The following HNMT variants were observed in gnomAD, a reference collection of about 807,000 sequenced individuals.
HNMT encodes the protein histamine N-methyltransferase.
HNMT carries 30 observed loss-of-function variants against 32.1 expected under a neutral mutation model. That is an observed-to-expected ratio of 0.93 (90% CI 0.70 to 1.27). The LOEUF is 1.27. HNMT is among the 50% of genes most tolerant of loss of function. The probability of loss-of-function intolerance (pLI) is 0.00; values close to 1 mark genes in which losing one functional copy is unlikely to be tolerated. For synonymous variants in HNMT, 125 were observed against 119.0 expected, an observed-to-expected ratio of 1.05 and a Z score of -0.33; for missense variants, 327 against 346.0, an observed-to-expected ratio of 0.95 and a Z score of 0.43.
intron 2 of HNMT, among the ~76,000 whole-genome samples, chr2:137,999,391 C>T (rs1681092589): frequency 6.6e-6 from 1 of 152,058 alleles, no homozygotes; most frequent in African/African-American, 2.4e-5. Context: ...TTTCAGCTTC[C>T]TTCCCACTCT....
chr2:138,009,548 A>C (rs1276096521), intron 5 of HNMT, among the ~76,000 whole-genome samples: 2 of 152,094 alleles, frequency 1.3e-5, no homozygotes, highest in Non-Finnish European at 2.9e-5. Flanking sequence ...TTTTAAAAAA[A>C]TAGCAATAGT....
intron 2 of HNMT, among the ~76,000 whole-genome samples, chr2:137,987,352 A>G (rs1244595510): frequency 6.6e-6 from 1 of 152,192 alleles, no homozygotes; most frequent in Non-Finnish European, 1.5e-5. Context: ...AGATTCCTAG[A>G]AAGTTTTGCA....
At chr2:138,012,820 G>A (rs72860384) in intron 5 of HNMT, among the ~76,000 whole-genome samples, 4,094 of 152,086 alleles carry the variant, frequency 0.027, 85 homozygotes, top group Middle Eastern at 0.095. Context: ...GGCGAGCCCT[G>A]TTGGATCTCG....
chr2:137,999,518 T>C (rs899887857), intron 2 of HNMT, among the ~76,000 whole-genome samples: 2 of 152,212 alleles, frequency 1.3e-5, no homozygotes, highest in African/African-American at 2.4e-5. Flanking sequence ...TCCTGGTTTA[T>C]CTTCCTCATC....
intron 5 of HNMT, among the ~76,000 whole-genome samples, chr2:138,006,623 T>C (rs1681338634): frequency 6.6e-6 from 1 of 152,012 alleles, no homozygotes. Context: ...AGTATTCTGC[T>C]GGCTGTATCA....
intron 2 of HNMT, among the ~76,000 whole-genome samples, chr2:137,998,933 G>A (rs780820211): frequency 4.6e-5 from 7 of 152,138 alleles, no homozygotes; most frequent in Non-Finnish European, 8.8e-5. Flanking sequence ...GGGCAAGCTG[G>A]AATCTATTTC....
At chr2:138,007,993 T>C (rs1681378766) in intron 5 of HNMT, among the ~76,000 whole-genome samples, 1 of 152,146 alleles carries the variant, frequency 6.6e-6, no homozygotes, top group South Asian at 2.1e-4. Context: ...AACCCTCTTT[T>C]TTAACTTTTA....
intron 5 of HNMT, among the ~76,000 whole-genome samples, 161 bp from the exon 6 acceptor site, chr2:138,013,614 A>T (rs995600697): frequency 6.6e-6 from 1 of 152,082 alleles, no homozygotes; most frequent in African/African-American, 2.4e-5. Flanking sequence ...ATCACCATAT[A>T]TTTACTTATT....
chr2:138,010,477 A>C (rs1296521515), intron 5 of HNMT, among the ~76,000 whole-genome samples: 1 of 146,142 alleles, frequency 6.8e-6, no homozygotes, highest in Non-Finnish European at 1.5e-5. Flanking sequence ...ACACACACAC[A>C]CACACAGCAA....
In HNMT at chr2:138,013,928, T is replaced by C. The variant is rs763407664; in HGVS notation, c.677T>C (p.Ile226Thr). The change falls in exon 6 of 6, where the codon ATA (isoleucine) becomes ACA (threonine). Residue 226 changes from isoleucine (I) to threonine (T), a missense_variant. By Grantham distance (89) the Ile-to-Thr change is moderately conservative. Coordinates refer to ENST00000280097, the MANE Select transcript of HNMT (RefSeq NM_006895.3). ...TATGACCTTTTGTCCACCATGGATATATCTGACTGCTTTATTGATGGTAAT... is the reference window on the plus strand; with the variant it reads ...TATGACCTTTTGTCCACCATGGATACATCTGACTGCTTTATTGATGGTAAT... ...ECYDLLSTMD[I>T]SDCFIDGNEN... 8 of 1,613,738 alleles carry C rather than the reference T, an allele frequency of 5.0e-6. No homozygotes were observed. The African/African-American group carries it at 9.3e-5, about 19-fold the overall frequency.
rs1168561183 is a variant in HNMT, at chr2:138,014,563, A to G, written c.*433A>G. 3 of 154,680 alleles carry G rather than the reference A, an allele frequency of 1.9e-5. No individual in the cohort carries two copies. In the South Asian group the frequency reaches 6.1e-4, roughly 31 times the overall value. 9.6% of individuals were successfully genotyped at this position (154,680 alleles called of 1,614,324 possible). On this transcript the variant is annotated 3_prime_UTR_variant, in exon 6 of 6. Transcript: ENST00000280097. Reference sequence around the variant, plus strand: ...TTGGCCGTTTTGTGAAGAAACATTTATCTTTGTACGTTCTTCTATTGTGCT... The same window carrying G: ...TTGGCCGTTTTGTGAAGAAACATTTGTCTTTGTACGTTCTTCTATTGTGCT...
chr2:137,991,275 T>C (rs888085560), intron 2 of HNMT, among the ~76,000 whole-genome samples: 2 of 152,218 alleles, frequency 1.3e-5, no homozygotes, highest in South Asian at 2.1e-4. Flanking sequence ...CTTCATTGGA[T>C]AGGCATGACT....
At chr2:138,011,294 CTT>C (rs1322165492) in intron 5 of HNMT, among the ~76,000 whole-genome samples, 2 of 151,988 alleles carry the variant, frequency 1.3e-5, no homozygotes, top group African/African-American at 4.8e-5. Context: ...CCGGCAAACT[CTT>C]ATTTAGGAAG....
chr2:138,016,065 T>A lies in HNMT; in HGVS notation c.*1935T>A, dbSNP rs1395736028. On this transcript the variant is annotated 3_prime_UTR_variant, in exon 6 of 6. Transcript: ENST00000280097. ...AAGGGATAAACCTATCCCTGTTTTCTTCCTGCACTGTATGATAATACCAAA... is the reference window on the plus strand; with the variant it reads ...AAGGGATAAACCTATCCCTGTTTTCATCCTGCACTGTATGATAATACCAAA... 6.6e-6 allele frequency: 1 copy of A among 152,134 alleles called. No homozygotes were observed. Among genetic ancestry groups the A allele is most frequent in the Non-Finnish European group, 1.5e-5 (1 of 68,012 alleles). 9.4% of individuals were successfully genotyped at this position (152,134 alleles called of 1,614,324 possible). A position where few individuals can be genotyped will look rare whatever the true frequency, so the allele number is the denominator to read the frequency against.
At chr2:137,983,361 A>G (rs911369254) in intron 2 of HNMT, among the ~76,000 whole-genome samples, 1 of 152,094 alleles carries the variant, frequency 6.6e-6, no homozygotes, top group East Asian at 1.9e-4. Flanking sequence ...AATTTATTGC[A>G]CTTAATGTGT....
Position 138,014,484 on chromosome 2 carries a change from A to G in HNMT, c.*354A>G, listed in dbSNP as rs116416875. On this transcript the variant is annotated 3_prime_UTR_variant, in exon 6 of 6. Transcript: ENST00000280097. ...ATAAAATACATACTATAGATTCTTT[A>G]TTAGTGAAGTATGCACTAATCAATA... The G allele has an allele frequency of 1.4e-4, 26 of 185,614 alleles. No homozygotes were observed. Among genetic ancestry groups the G allele is most frequent in the African/African-American group, 5.9e-4 (25 of 42,576 alleles). The allele number at this position is 185,614 out of a possible 1,614,324, so 11.5% of individuals were successfully genotyped here.
chr2:137,967,068 T>A (rs928332542), intron 1 of HNMT: 3 of 780,606 alleles, frequency 3.8e-6, no homozygotes, highest in Non-Finnish European at 7.2e-6. Context: ...GTATAATAGA[T>A]CTAAAGGTAC....
At chr2:137,988,550 CT>C (rs35292341) in intron 2 of HNMT, 62,224 of 151,778 alleles carry the variant, frequency 0.41, 12,920 homozygotes, top group South Asian at 0.46. Flanking sequence ...ATTGACCCCC[CT>C]TTTTTTTAAA....
intron 3 of HNMT, among the ~76,000 whole-genome samples, chr2:138,001,381 G>A (rs989363177): frequency 1.3e-5 from 2 of 152,098 alleles, no homozygotes; most frequent in South Asian, 4.1e-4. Flanking sequence ...TCCTGGCAAA[G>A]GCCAAATAGT....
Sources: allele counts gnomAD v4.1 joint callset (sites outside exome capture counted in the v4.1 genomes callset), GRCh38; gene constraint gnomAD v4.1.1; transcripts MANE v1.5; gene names NCBI Gene and HGNC (gene_info 2026-07-23, HGNC 2026-07-21).